Variants in AMACR observed in about 807,000 individuals in gnomAD.
AMACR encodes the protein alpha-methylacyl-CoA racemase.
Under a neutral mutation model 22.2 loss-of-function variants are expected in AMACR, and 18 were observed. The observed-to-expected ratio is 0.81, with a 90% CI of 0.56 to 1.20. The LOEUF (loss-of-function observed/expected upper bound fraction) is 1.20. Among genes scored for constraint, AMACR ranks in the 50% most tolerant of loss-of-function variants. The pLI is 0.00. For synonymous variants in AMACR, 213 were observed against 191.3 expected (o/e 1.11, Z -0.94); for missense variants, 499 against 490.6 (o/e 1.02, Z -0.16).
At position 33,998,686 on chromosome 5, in the gene AMACR, C is replaced by T. The variant is rs1457713882; in HGVS notation, c.694G>A (p.Ala232Thr). The T allele has an allele frequency of 6.2e-7, 1 of 1,613,574 alleles. No individual in the cohort carries two copies. Among genetic ancestry groups the T allele is most frequent in the African/African-American group, 1.3e-5 (1 of 74,894 alleles). Residue 232 changes from alanine (A) to threonine (T), a missense_variant, in exon 4 of 5, where the codon GCT (alanine) becomes ACT (threonine). Physicochemically the swap from Ala to Thr is moderately conservative, Grantham distance 58 (BLOSUM62 0). Coordinates refer to ENST00000335606, the MANE Select transcript of AMACR (RefSeq NM_014324.6). ...AACTGGGGTTCTATTGCTCCAACAG[C>T]CATGAATTCCCCATCTGCTGTCCTG... is the stretch of plus-strand genomic sequence containing the variant. ...TYRTADGEFM[A>T]VGAIEPQFYE...
chr5:34,005,050 C>A (rs1215565366), intron 2 of AMACR, among the ~76,000 whole-genome samples: 1 of 152,142 alleles, frequency 6.6e-6, no homozygotes, highest in Admixed American at 6.5e-5. Flanking sequence ...ACAGTAAATG[C>A]ACTTTCATTC....
At chr5:34,002,714 C>T (rs1045169944) in intron 3 of AMACR, among the ~76,000 whole-genome samples, 4 of 151,880 alleles carry the variant, frequency 2.6e-5, no homozygotes, top group South Asian at 2.1e-4. Context: ...TGGAAGGTAC[C>T]GGTCTTGAGT....
Position 34,008,012 on chromosome 5 carries a change from A to G in AMACR, c.8T>C (p.Leu3Pro), listed in dbSNP as rs1207207957. 1.9e-6 allele frequency: 3 copies of G among 1,610,658 alleles called. No homozygotes were observed. The highest frequency in any genetic ancestry group is 2.5e-6 in the Non-Finnish European group (3 of 1,179,732). MALQGISVVELSG... is the reference protein window; with the variant it reads MAPQGISVVELSG... ...CAGCTCCACGACCGAGATGCCCTGC[A>G]GTGCCATGGCGCTTCCCAGTGCCCC... Residue 3 changes from leucine to proline, a missense_variant, in exon 1 of 5, where the codon CTG (leucine) becomes CCG (proline). Leu to Pro is a moderately conservative substitution (Grantham distance 98, BLOSUM62 -3). Coordinates refer to ENST00000335606, the MANE Select transcript of AMACR (RefSeq NM_014324.6).
chr5:34,006,445 T>C lies in AMACR; in HGVS notation c.248-546A>G, dbSNP rs149887434. 2.6e-3 allele frequency among the ~76,000 whole-genome samples: 395 copies of C among 152,316 alleles called. 3 individuals carry two copies. The highest frequency in any genetic ancestry group is 9.2e-3 in the African/African-American group (383 of 41,556). On this transcript the variant is annotated intron_variant, in intron 1 of 4. Coordinates refer to ENST00000335606, the MANE Select transcript of AMACR (RefSeq NM_014324.6). The stretch of plus-strand genomic sequence containing the variant: ...AAGCTATCAACAAGTATAGTATTTA[T>C]AGCACAAACCCCAGGTAACCAGCAC...
chr5:33,997,485 T>C (rs1753679156), intron 4 of AMACR: 1 of 779,930 alleles, frequency 1.3e-6, no homozygotes, highest in African/African-American at 1.7e-5. Flanking sequence ...TACTGCTTCC[T>C]GTTGTATTTT....
In AMACR at chr5:33,989,218, T is replaced by C; in HGVS notation, c.1024A>G (p.Arg342Gly). The C allele has an allele frequency of 6.2e-7, 1 of 1,614,178 alleles. No homozygotes were observed. Among genetic ancestry groups the C allele is most frequent in the South Asian group, 1.1e-5 (1 of 91,080 alleles). Reference sequence around the variant, plus strand: ...GTGTGTTCTCCTATGAAAGGATCCCTTTTGAAAGAAGGGATGGCTGGGGTG... The same window carrying C: ...GTGTGTTCTCCTATGAAAGGATCCCCTTTGAAAGAAGGGATGGCTGGGGTG... ...LNTPAIPSFKRDPFIGEHTEE... is the reference protein window; with the variant it reads ...LNTPAIPSFKGDPFIGEHTEE... Residue 342 changes from arginine (R) to glycine (G), a missense_variant, in exon 5 of 5, where the codon AGG becomes GGG. By Grantham distance (125) the Arg-to-Gly change is moderately radical. Transcript: ENST00000335606.
intron 3 of AMACR, among the ~76,000 whole-genome samples, chr5:34,000,105 A>G (rs1420803442): frequency 1.3e-5 from 2 of 152,222 alleles, no homozygotes; most frequent in East Asian, 3.8e-4. Flanking sequence ...AATTTTGCAT[A>G]AATATTACCT....
intron 1 of AMACR, 140 bp downstream of exon 1, chr5:34,007,633 C>CA: frequency 7.7e-7 from 1 of 1,295,614 alleles, no homozygotes; most frequent in East Asian, 2.7e-5. Flanking sequence ...CCCTAGGAGG[C>CA]AAAAATCTGG....
At chr5:33,993,355 T>G (rs1439517766) in intron 4 of AMACR, among the ~76,000 whole-genome samples, 4 of 152,242 alleles carry the variant, frequency 2.6e-5, no homozygotes, top group Non-Finnish European at 5.9e-5. Flanking sequence ...TTCTACCTCT[T>G]GGCTATTGTG....
rs772699925 is a variant in AMACR at position 34,007,902 on chromosome 5, G to T, written c.118C>A (p.Arg40Ser). The change falls in exon 1 of 5, where the codon CGC becomes AGC. Residue 40 changes from arginine (R) to serine (S), a missense_variant. Transcript: ENST00000335606. ...RVVRVDRPGS[R>S]YDVSRLGRGK... ...CGGCCCAAGCGGCTCACGTCGTAGC[G>T]GGAGCCGGGCCGGTCCACGCGTACC... is the stretch of plus-strand genomic sequence containing the variant. 1 of 1,604,006 alleles carries T rather than the reference G, an allele frequency of 6.2e-7. No individual in the cohort carries two copies. Among genetic ancestry groups the T allele is most frequent in the South Asian group, 1.1e-5 (1 of 90,590 alleles).
intron 3 of AMACR, among the ~76,000 whole-genome samples, chr5:34,002,083 G>C (rs970412483): frequency 6.6e-6 from 1 of 151,854 alleles, no homozygotes; most frequent in Non-Finnish European, 1.5e-5. Flanking sequence ...TGCAACCTCT[G>C]CCTCCTGGGT....
At chr5:33,992,723 A>G (rs1219401021) in intron 4 of AMACR, among the ~76,000 whole-genome samples, 7 of 152,230 alleles carry the variant, frequency 4.6e-5, no homozygotes, top group Admixed American at 4.6e-4. Context: ...AAAATAAAAT[A>G]GAATAGAATA....
In AMACR at chr5:33,988,329, T is replaced by C. The variant is rs1230087295; in HGVS notation, c.*764A>G. Reference sequence around the variant, plus strand: ...ATCTTTATTTCTGGATGTTGCTGTGTGTTGGGTATAAGATCCAGAACTTGC... The same window carrying C: ...ATCTTTATTTCTGGATGTTGCTGTGCGTTGGGTATAAGATCCAGAACTTGC... On this transcript the variant is annotated 3_prime_UTR_variant, in exon 5 of 5. Transcript: ENST00000335606. The C allele has an allele frequency of 1.9e-6, 3 of 1,542,026 alleles. No homozygotes were observed. Among genetic ancestry groups the C allele is most frequent in the East Asian group, 2.4e-5 (1 of 41,602 alleles).
chr5:34,007,947 C>T lies in AMACR; in HGVS notation c.73G>A (p.Ala25Thr). ...CGTACCACACGCGCCCCGAAGTCAG[C>T]CAGGACCATAGCACAGAACGGGCCC... ...APGPFCAMVL[A>T]DFGARVVRVD... is the part of the protein sequence containing the mutation. Residue 25 changes from alanine (A) to threonine (T), a missense_variant, in exon 1 of 5, where the codon GCT becomes ACT. By Grantham distance (58) the Ala-to-Thr change is moderately conservative (BLOSUM62 0). Transcript: ENST00000335606. The T allele has an allele frequency of 1.2e-6, 2 of 1,611,362 alleles. No homozygotes were observed. The highest frequency in any genetic ancestry group is 1.7e-6 in the Non-Finnish European group (2 of 1,179,692).
At chr5:33,999,008 T>C (rs1462935085) in intron 3 of AMACR, among the ~76,000 whole-genome samples, 181 bp from the exon 4 acceptor site, 1 of 152,228 alleles carries the variant, frequency 6.6e-6, no homozygotes, top group African/African-American at 2.4e-5. Context: ...CAGTTTGTGT[T>C]AAAATAACAA....
chr5:34,005,058 T>C (rs1354921708), intron 2 of AMACR, among the ~76,000 whole-genome samples: 1 of 152,232 alleles, frequency 6.6e-6, no homozygotes, highest in Non-Finnish European at 1.5e-5. Flanking sequence ...TGCACTTTCA[T>C]TCTTAGCATA....
At chr5:33,998,038 C>T (rs557885967) in intron 4 of AMACR, among the ~76,000 whole-genome samples, 10 of 150,690 alleles carry the variant, frequency 6.6e-5, no homozygotes, top group Non-Finnish European at 1.3e-4. Flanking sequence ...ACTCTAAATT[C>T]AAACATTTCT....
intron 1 of AMACR, 84 bp downstream of exon 1, chr5:34,007,688 GT>G: frequency 6.9e-7 from 1 of 1,445,442 alleles, no homozygotes; most frequent in African/African-American, 1.4e-5. Flanking sequence ...GGGCAAAGGT[GT>G]GGCGGGTGCA....
At chr5:34,002,133 A>T (rs1753837596) in intron 3 of AMACR, among the ~76,000 whole-genome samples, 2 of 152,252 alleles carry the variant, frequency 1.3e-5, no homozygotes, top group Admixed American at 1.3e-4. Context: ...GGGAGCTGGG[A>T]CTGCAGACGC....
Sources: gnomAD v4.1 joint callset for allele counts (sites outside exome capture counted in the v4.1 genomes callset) on GRCh38, gnomAD v4.1.1 for gene constraint, MANE v1.5 for transcripts, NCBI Gene and HGNC (gene_info 2026-07-23, HGNC 2026-07-21) for gene names.